The following PARD6G variants were observed in gnomAD, a reference collection of about 807,000 sequenced individuals.
The protein encoded by PARD6G is partitioning defective 6 homolog gamma.
Under a neutral mutation model 10.7 loss-of-function variants are expected in PARD6G, and 7 were observed. That is an observed-to-expected ratio of 0.66 (90% CI 0.37 to 1.23). The LOEUF (loss-of-function observed/expected upper bound fraction) is 1.23, where lower values mean the gene tolerates loss of function less well. PARD6G is among the 50% of genes most tolerant of loss of function. The probability of loss-of-function intolerance (pLI) is 0.02; values close to 1 mark genes in which losing one functional copy is unlikely to be tolerated. For synonymous variants in PARD6G, 287 were observed against 269.4 expected, an observed-to-expected ratio of 1.07 and a Z score of -0.64; for missense variants, 548 against 571.8, an observed-to-expected ratio of 0.96 and a Z score of 0.42.
chr18:80,181,248 C>T lies in PARD6G; in HGVS notation c.296-20642G>A, dbSNP rs542085628. Among the ~76,000 whole-genome samples the T allele has an allele frequency of 1.3e-5, 2 of 152,240 alleles. No individual in the cohort carries two copies. Among genetic ancestry groups the T allele is most frequent in the African/African-American group, 4.8e-5 (2 of 41,540 alleles). ...AGCATGCCAGGGACCCCAGGTCACA[C>T]GCCCCTGGGGGATAGGAGAGGTGGT... is the stretch of plus-strand genomic sequence containing the variant. On this transcript the variant is annotated intron_variant, in intron 2 of 2. Transcript: ENST00000353265. This position sits in a 1 kb window ranked among gnomAD's most constrained non-coding sequence, Gnocchi z 7.9.
intron 2 of PARD6G, among the ~76,000 whole-genome samples, chr18:80,166,892 G>T (rs1599843731): frequency 6.6e-6 from 1 of 151,968 alleles, no homozygotes; most frequent in South Asian, 2.1e-4. Context: ...AAACACTTGA[G>T]GATCCAACAA....
At chr18:80,210,282 A>C (rs1197467432) in intron 1 of PARD6G, among the ~76,000 whole-genome samples, 1 of 152,234 alleles carries the variant, frequency 6.6e-6, no homozygotes, top group African/African-American at 2.4e-5. Context: ...TACTGGGAAA[A>C]ACTGTCAAAA....
chr18:80,177,014 C>T (rs553721256), intron 2 of PARD6G, among the ~76,000 whole-genome samples: 31 of 107,422 alleles, frequency 2.9e-4, no homozygotes, highest in East Asian at 2.8e-4. Flanking sequence ...GAAGCACGTG[C>T]GCGCGCGCGT....
At chr18:80,215,995 A>G (rs73975203) in intron 1 of PARD6G, among the ~76,000 whole-genome samples, 25,122 of 152,106 alleles carry the variant, frequency 0.17, 2,731 homozygotes, top group East Asian at 0.44. Flanking sequence ...AACAGCAGAC[A>G]AAATAGACTT....
At chr18:80,233,116 C>T (rs9957150) in intron 1 of PARD6G, among the ~76,000 whole-genome samples, 2 of 152,282 alleles carry the variant, frequency 1.3e-5, no homozygotes, top group South Asian at 4.1e-4. Context: ...CGTCAACATA[C>T]CATTTATTTC....
intron 2 of PARD6G, among the ~76,000 whole-genome samples, chr18:80,163,260 G>C (rs1334862921): frequency 6.6e-6 from 1 of 152,180 alleles, no homozygotes; most frequent in Non-Finnish European, 1.5e-5. Context: ...CAGGAGAAGA[G>C]ACTAAGGTTT....
At chr18:80,242,130 G>A (rs1014633571) in intron 1 of PARD6G, among the ~76,000 whole-genome samples, 1 of 152,152 alleles carries the variant, frequency 6.6e-6, no homozygotes, top group Non-Finnish European at 1.5e-5. Context: ...CAGCCTCCAG[G>A]GGCAGTGACG....
intron 1 of PARD6G, among the ~76,000 whole-genome samples, chr18:80,210,808 C>A (rs74800556): frequency 1.6e-3 from 248 of 152,280 alleles, no homozygotes; most frequent in South Asian, 4.6e-3. Flanking sequence ...AATGAACTTA[C>A]AACGAGTTAC....
At chr18:80,199,705 C>T (rs759869705) in intron 2 of PARD6G, among the ~76,000 whole-genome samples, 3 of 152,146 alleles carry the variant, frequency 2.0e-5, no homozygotes, top group Non-Finnish European at 4.4e-5. Flanking sequence ...GGCAGTGGTG[C>T]AATCTTGGCT....
chr18:80,165,850 G>A (rs911478417), intron 2 of PARD6G, among the ~76,000 whole-genome samples: 1 of 152,212 alleles, frequency 6.6e-6, no homozygotes, highest in African/African-American at 2.4e-5. Context: ...GGAAGGCCAA[G>A]GTGGGTGGAT....
Position 80,183,163 on chromosome 18 carries a change from TA to T in PARD6G, c.295+19546del, listed in dbSNP as rs764537935. The T allele has an allele frequency of 9.7e-5, 68 of 702,642 alleles. No individual in the cohort carries two copies. The highest frequency in any genetic ancestry group is 2.8e-4 in the Admixed American group (14 of 49,980). 43.5% of individuals were successfully genotyped at this position (702,642 alleles called of 1,614,324 possible). A position where few individuals can be genotyped will look rare whatever the true frequency, so the allele number is the denominator to read the frequency against. ...AGGGCTCCGTCATCTGCAGGAAAAT[TA>T]GTGAAGAAGTGGAGGGCCTTGCAAT... is the stretch of plus-strand genomic sequence containing the variant. On this transcript the variant is annotated intron_variant, in intron 2 of 2. Coordinates refer to ENST00000353265, the MANE Select transcript of PARD6G (RefSeq NM_032510.4). The surrounding 1 kb of genome is among the most constrained non-coding windows in gnomAD (Gnocchi z 4.5).
intron 2 of PARD6G, among the ~76,000 whole-genome samples, chr18:80,166,210 C>T (rs2052735015): frequency 6.6e-6 from 1 of 151,498 alleles, no homozygotes; most frequent in Non-Finnish European, 1.5e-5. Context: ...GTCAGCGGCA[C>T]ACAGCCTCAG....
chr18:80,202,661 A>G, intron 2 of PARD6G, 49 bp downstream of exon 2: 2 of 1,530,674 alleles, frequency 1.3e-6, no homozygotes, highest in Non-Finnish European at 9.0e-7. Context: ...ACTGTATTTT[A>G]AAAATGATTT....
rs1459701653 is a variant in PARD6G at position 80,192,828 on chromosome 18, G to A, written c.295+9882C>T. ...GGGACCCTCCTGGCTCGCCGGCCGT[G>A]GGAGCTGGGCTGTCAGTCCTCCCCT... On this transcript the variant is annotated intron_variant, in intron 2 of 2. Transcript: ENST00000353265. This position sits in a 1 kb window ranked among gnomAD's most constrained non-coding sequence, Gnocchi z 4.9. 1.3e-5 allele frequency among the ~76,000 whole-genome samples: 2 copies of A among 152,104 alleles called. No homozygotes were observed. Among genetic ancestry groups the A allele is most frequent in the Non-Finnish European group, 2.9e-5 (2 of 68,032 alleles).
Position 80,202,938 on chromosome 18 carries a change from ATGCAAGAGACGGGGTGGGGGGAGGGGCAT to A in PARD6G, c.73-35_73-7del. The A allele has an allele frequency of 1.6e-6, 1 of 631,188 alleles. No homozygotes were observed. Among genetic ancestry groups the A allele is most frequent in the Admixed American group, 2.3e-5 (1 of 42,980 alleles). The allele number at this position is 631,188 out of a possible 1,614,324, so 39.1% of individuals were successfully genotyped here. ...CTTCGGAATTCCGCCCCAAACTACA[ATGCAAGAGACGGGGTGGGGGGAGGGGCAT>A]TAATAAATACCAGAGAAATATCCAG... is the stretch of plus-strand genomic sequence containing the variant. On this transcript the variant is annotated splice_polypyrimidine_tract_variant and splice_region_variant and intron_variant, in intron 1 of 2. Transcript: ENST00000353265.
chr18:80,214,773 A>G (rs1194524855), intron 1 of PARD6G, among the ~76,000 whole-genome samples: 2 of 152,188 alleles, frequency 1.3e-5, no homozygotes, highest in African/African-American at 2.4e-5. Flanking sequence ...AGAGGAAAAA[A>G]AGGCAGAAAG....
intron 1 of PARD6G, among the ~76,000 whole-genome samples, chr18:80,243,874 C>A (rs571403749): frequency 4.6e-5 from 7 of 152,078 alleles, no homozygotes; most frequent in African/African-American, 7.2e-5. Context: ...GCATGAGCAG[C>A]GGGCCATCTA....
rs191336511 is a variant in PARD6G, at chr18:80,181,718, T to C, written c.295+20992A>G. On this transcript the variant is annotated intron_variant, in intron 2 of 2. Transcript: ENST00000353265. This position sits in a 1 kb window ranked among gnomAD's most constrained non-coding sequence, Gnocchi z 7.9. ...TGGAGCCTGGCCCTTCCCTCCTTCC[T>C]GGCTGGAAGCTGCTTTCAGCTCCTG... Among the ~76,000 whole-genome samples, 90 of 152,214 alleles carry C rather than the reference T, an allele frequency of 5.9e-4. No individual in the cohort carries two copies. The highest frequency in any genetic ancestry group is 1.3e-3 in the Admixed American group (20 of 15,276).
chr18:80,224,177 T>A (rs1483145377), intron 1 of PARD6G, among the ~76,000 whole-genome samples: 3 of 152,198 alleles, frequency 2.0e-5, no homozygotes, highest in African/African-American at 7.2e-5. Flanking sequence ...CCTATTTTCA[T>A]TATTCAACTT....
Sources: gnomAD v4.1 joint callset for allele counts (sites outside exome capture counted in the v4.1 genomes callset) on GRCh38, gnomAD v4.1.1 for gene constraint, Gnocchi (gnomAD v3.1) non-coding constraint, MANE v1.5 for transcripts, NCBI Gene and HGNC (gene_info 2026-07-23, HGNC 2026-07-21) for gene names.